Variants in RPL11 observed in about 807,000 individuals in gnomAD.
RPL11 encodes ribosomal protein L11, also known as large ribosomal subunit protein uL5.
RPL11 carries 3 observed loss-of-function variants against 24.1 expected under a neutral mutation model. That is an observed-to-expected ratio of 0.12 (90% CI 0.06 to 0.32). The LOEUF (loss-of-function observed/expected upper bound fraction) is 0.32, where lower values mean the gene tolerates loss of function less well. RPL11 is among the 10% of genes least tolerant of loss of function. The pLI is 1.00. For synonymous variants in RPL11, 96 were observed against 75.7 expected, an observed-to-expected ratio of 1.27 and a Z score of -1.39; for missense variants, 146 against 225.7, an observed-to-expected ratio of 0.65 and a Z score of 2.26.
At chr1:23,693,617 A>G (rs2124429932) in intron 2 of RPL11, among the ~76,000 whole-genome samples, 190 bp from the exon 3 acceptor site, 1 of 152,106 alleles carries the variant, frequency 6.6e-6, no homozygotes, top group Middle Eastern at 3.4e-3. Context: ...ATGTCTGGAA[A>G]TGGGAAAATC....
rs1644533953 is a variant in RPL11 at position 23,696,563 on chromosome 1, AG to A, written c.*191del. The A allele has an allele frequency of 1.5e-6, 1 of 657,408 alleles. No homozygotes were observed. The highest frequency in any genetic ancestry group is 1.8e-5 in the African/African-American group (1 of 55,726). 40.7% of individuals were successfully genotyped at this position (657,408 alleles called of 1,614,324 possible). A position where few individuals can be genotyped will look rare whatever the true frequency, so the allele number is the denominator to read the frequency against. On this transcript the variant is annotated 3_prime_UTR_variant, in exon 6 of 6. Transcript: ENST00000643754. ...ATGCCAGTATTTCCTGGCAGATCCA[AG>A]TCCAAGCTTCATAGCATTCATTGCC...
rs377575545 is a variant in RPL11, at chr1:23,692,619, G to C, written c.17G>C (p.Gly6Ala). Residue 6 changes from glycine to alanine, a missense_variant, in exon 2 of 6, where the codon GGT becomes GCT. Coordinates refer to ENST00000643754, the MANE Select transcript of RPL11 (RefSeq NM_000975.5). Reference sequence around the variant, plus strand: ...TCTTCCCTGTTGCAGCAGGATCAAGGTGAAAAGGAGAACCCCATGCGGGAA... The same window carrying C: ...TCTTCCCTGTTGCAGCAGGATCAAGCTGAAAAGGAGAACCCCATGCGGGAA... MAQDQ[G>A]EKENPMRELR... is the part of the protein sequence containing the mutation. 3.1e-6 allele frequency: 5 copies of C among 1,614,166 alleles called. No homozygotes were observed. Among genetic ancestry groups the C allele is most frequent in the Middle Eastern group, 1.7e-4 (1 of 6,060 alleles).
At chr1:23,691,783 C>G (rs1170381606), upstream of RPL11, 2 of 1,613,036 alleles carry the variant, frequency 1.2e-6, no homozygotes, top group Non-Finnish European at 1.7e-6. Flanking sequence ...GCCCATAAGG[C>G]CCTCGGCCGG....
chr1:23,692,899 T>TC, intron 2 of RPL11, 140 bp downstream of exon 2: 1 of 891,752 alleles, frequency 1.1e-6, no homozygotes, highest in Non-Finnish European at 1.6e-6. Context: ...CCAAGAGGTG[T>TC]CTTTTTTTTT....
chr1:23,694,117 T>C (rs1644519062), intron 3 of RPL11, among the ~76,000 whole-genome samples: 1 of 152,240 alleles, frequency 6.6e-6, no homozygotes, highest in Middle Eastern at 3.2e-3. Flanking sequence ...GCTCAACGCC[T>C]GTAATCCCAA....
chr1:23,694,285 C>T (rs1644520015), intron 3 of RPL11, among the ~76,000 whole-genome samples: 1 of 151,476 alleles, frequency 6.6e-6, no homozygotes, highest in Admixed American at 6.6e-5. Flanking sequence ...AGCTGAGGCA[C>T]GACAATTGCT....
In RPL11 at chr1:23,696,314, T is replaced by A. The variant is rs912668349; in HGVS notation, c.508-30T>A. ...TGCAATCTCTGCTGTTGCCTCCTGT[T>A]CTGAAAAAATTAAATCTCTTCTCTT... is the stretch of plus-strand genomic sequence containing the variant. On this transcript the variant is annotated intron_variant, in intron 5 of 5. Coordinates refer to ENST00000643754, the MANE Select transcript of RPL11 (RefSeq NM_000975.5). 7 of 1,611,814 alleles carry A rather than the reference T, an allele frequency of 4.3e-6. No individual in the cohort carries two copies. The African/African-American group carries it at 8.0e-5, about 18-fold the overall frequency.
chr1:23,692,010 C>G, intron 1 of RPL11, 181 bp downstream of exon 1: 2 of 851,174 alleles, frequency 2.3e-6, no homozygotes, highest in Non-Finnish European at 3.8e-6. Context: ...CTTTCCCTGC[C>G]ATCGTTTTAG....
rs775235867 is a variant in RPL11 at position 23,692,616 on chromosome 1, A to G, written c.14A>G (p.Gln5Arg). ...TGCTCTTCCCTGTTGCAGCAGGATC[A>G]AGGTGAAAAGGAGAACCCCATGCGG... MAQD[Q>R]GEKENPMREL... The change falls in exon 2 of 6, where the codon CAA becomes CGA. Residue 5 changes from glutamine (Q) to arginine (R), a missense_variant. Transcript: ENST00000643754. 8.1e-6 allele frequency: 13 copies of G among 1,614,180 alleles called. No individual in the cohort carries two copies. Among genetic ancestry groups the G allele is most frequent in the African/African-American group, 1.3e-5 (1 of 75,056 alleles).
chr1:23,696,826 C>A lies in RPL11; in HGVS notation c.*453C>A. On this transcript the variant is annotated 3_prime_UTR_variant, in exon 6 of 6. Transcript: ENST00000643754. The stretch of plus-strand genomic sequence containing the variant: ...TGTGATGGTTGAGATTAAATTTAGA[C>A]TTAACTGTTCAGGCTCAGGTTTCTT... The A allele has an allele frequency of 4.4e-6, 1 of 227,286 alleles. No individual in the cohort carries two copies. The highest frequency in any genetic ancestry group is 1.1e-4 in the East Asian group (1 of 9,282). 14.1% of individuals were successfully genotyped at this position (227,286 alleles called of 1,614,324 possible). A position where few individuals can be genotyped will look rare whatever the true frequency, so the allele number is the denominator to read the frequency against.
intron 2 of RPL11, 134 bp from the exon 3 acceptor site, chr1:23,693,673 T>C (rs1472998563): frequency 2.9e-6 from 2 of 699,818 alleles, no homozygotes; most frequent in Non-Finnish European, 5.2e-6. Context: ...AGACACTAAT[T>C]AGAACACCAC....
chr1:23,694,662 G>A lies in RPL11; in HGVS notation c.267G>A (p.Val89=). ...TATTGCTGCATTTTTCTCCACAGGTGCGGGAGTATGAGTTAAGAAAAAACA... is the reference window on the plus strand; with the variant it reads ...TATTGCTGCATTTTTCTCCACAGGTACGGGAGTATGAGTTAAGAAAAAACA... The part of the protein sequence containing the change: ...AEEILEKGLK[V]REYELRKNNF... Residue 89 remains valine, a splice_region_variant and synonymous_variant, in exon 4 of 6, where the codon GTG becomes GTA. Coordinates refer to ENST00000643754, the MANE Select transcript of RPL11 (RefSeq NM_000975.5). 3.1e-6 allele frequency: 5 copies of A among 1,613,948 alleles called. No homozygotes were observed. Among genetic ancestry groups the A allele is most frequent in the Non-Finnish European group, 4.2e-6 (5 of 1,179,894 alleles).
intron 5 of RPL11, 96 bp from the exon 6 acceptor site, chr1:23,696,248 A>G: frequency 1.7e-6 from 2 of 1,183,792 alleles, no homozygotes; most frequent in South Asian, 1.2e-5. Context: ...GCCCAAGTTC[A>G]TGTATCAATC....
intron 1 of RPL11, 53 bp downstream of exon 1, chr1:23,691,882 A>T: frequency 6.2e-7 from 1 of 1,613,688 alleles, no homozygotes; most frequent in Non-Finnish European, 8.5e-7. Context: ...CATCCATGGC[A>T]GGCCGAGCCT....
Position 23,693,792 on chromosome 1 carries a change from A to T in RPL11, c.158-15A>T. The T allele has an allele frequency of 6.2e-7, 1 of 1,602,170 alleles. No individual in the cohort carries two copies. Among genetic ancestry groups the T allele is most frequent in the Non-Finnish European group, 8.6e-7 (1 of 1,169,264 alleles). ...GTATGATGGCATCTGACTCCTTGTT[A>T]CCCACTTCCTGCAGCTAGATACACT... On this transcript the variant is annotated splice_polypyrimidine_tract_variant and intron_variant, in intron 2 of 5. Coordinates refer to ENST00000643754, the MANE Select transcript of RPL11 (RefSeq NM_000975.5).
In RPL11 at chr1:23,693,925, C is replaced by A. The variant is rs774445335; in HGVS notation, c.264+12C>A. 3.8e-6 allele frequency: 6 copies of A among 1,591,158 alleles called. No homozygotes were observed. The South Asian group carries it at 4.4e-5, about 12-fold the overall frequency. On this transcript the variant is annotated intron_variant, in intron 3 of 5. Transcript: ENST00000643754. ...AGAAGGGTCTAAAGGTGAGCCTAATCCCCTAATGGAGTGATATTGATCAGC... is the reference window on the plus strand; with the variant it reads ...AGAAGGGTCTAAAGGTGAGCCTAATACCCTAATGGAGTGATATTGATCAGC...
chr1:23,694,937 C>A, intron 4 of RPL11, 146 bp downstream of exon 4: 1 of 1,307,906 alleles, frequency 7.6e-7, no homozygotes, highest in African/African-American at 1.5e-5. Context: ...GGGAAATGTG[C>A]CTCATTTGTG....
upstream of RPL11, chr1:23,691,802 C>T (rs200671773): frequency 3.9e-5 from 63 of 1,614,128 alleles, no homozygotes; most frequent in Non-Finnish European, 4.9e-5. Flanking sequence ...GGAAGCTCCG[C>T]TTTCTCTTCC....
At chr1:23,692,411 C>G (rs1252853838) in intron 1 of RPL11, 198 bp from the exon 2 acceptor site, 2 of 614,492 alleles carry the variant, frequency 3.3e-6, no homozygotes, top group African/African-American at 1.8e-5. Flanking sequence ...TCTCTTCACC[C>G]GTTCCGTTCG....
Sources: allele counts gnomAD v4.1 joint callset (sites outside exome capture counted in the v4.1 genomes callset), GRCh38; gene constraint gnomAD v4.1.1; transcripts MANE v1.5; gene names NCBI Gene and HGNC (gene_info 2026-07-23, HGNC 2026-07-21).